The following XKR6 variants were observed in gnomAD, a reference collection of about 807,000 sequenced individuals.
XKR6 encodes XK-related protein 6.
A neutral mutation model predicts 56.7 loss-of-function variants in XKR6; 22 were observed. That is an observed-to-expected ratio of 0.39 (90% CI 0.28 to 0.55). XKR6 has a LOEUF of 0.55. XKR6 is among the 20% of genes least tolerant of loss of function. The pLI is 0.66. For missense variants in XKR6, 852 were observed against 889.0 expected (o/e 0.96, Z 0.53); for synonymous variants, 524 against 387.8 (o/e 1.35, Z -4.13).
chr8:11,077,735 G>A (rs1800311477), intron 1 of XKR6, among the ~76,000 whole-genome samples: 1 of 152,144 alleles, frequency 6.6e-6, no homozygotes, highest in Non-Finnish European at 1.5e-5. Context: ...GTCCCATCCT[G>A]TCTTCCCAGC....
At chr8:10,977,558 A>C (rs1802602897) in intron 1 of XKR6, among the ~76,000 whole-genome samples, 1 of 150,626 alleles carries the variant, frequency 6.6e-6, no homozygotes, top group Admixed American at 6.7e-5. Flanking sequence ...CCAGCCCATT[A>C]GCATGAGCCA....
chr8:10,942,175 C>T (rs552362467), intron 1 of XKR6, among the ~76,000 whole-genome samples: 1 of 152,308 alleles, frequency 6.6e-6, no homozygotes, highest in African/African-American at 2.4e-5. Context: ...ACATACCACA[C>T]ACAGTTGCAT....
chr8:11,026,375 GGCCTACTACACACTTAGATGGTCTA>G (rs1798863325), intron 1 of XKR6, among the ~76,000 whole-genome samples: 1 of 132,794 alleles, frequency 7.5e-6, no homozygotes. Flanking sequence ...TAAATGGTCT[GGCCTACTACACACTTAGATGGTCTA>G]GCCTACTACA....
At chr8:11,188,548 T>C (rs1032679283) in intron 1 of XKR6, among the ~76,000 whole-genome samples, 3 of 152,216 alleles carry the variant, frequency 2.0e-5, no homozygotes, top group African/African-American at 7.2e-5. Flanking sequence ...ACTTGATTGC[T>C]TAAACTTTGA....
chr8:10,980,329 G>A (rs1236231176), intron 1 of XKR6, among the ~76,000 whole-genome samples: 1 of 152,158 alleles, frequency 6.6e-6, no homozygotes, highest in East Asian at 1.9e-4. Flanking sequence ...GACTGAGGAG[G>A]GCTCTGAATA....
At chr8:11,083,567 TG>T (rs1217956009) in intron 1 of XKR6, among the ~76,000 whole-genome samples, 14 of 152,220 alleles carry the variant, frequency 9.2e-5, no homozygotes. Context: ...TCACCAGTGC[TG>T]GGCTGGGTTT....
At chr8:11,182,097 C>T (rs1803017838) in intron 1 of XKR6, among the ~76,000 whole-genome samples, 1 of 152,156 alleles carries the variant, frequency 6.6e-6, no homozygotes, top group African/African-American at 2.4e-5. Flanking sequence ...ATCTTTCTAA[C>T]CAAAATAAAC....
intron 1 of XKR6, among the ~76,000 whole-genome samples, chr8:11,059,526 G>GT (rs1220614002): frequency 6.6e-6 from 1 of 152,088 alleles, no homozygotes; most frequent in Non-Finnish European, 1.5e-5. Flanking sequence ...CCGCTCCAGT[G>GT]TTTGTTTACA....
At chr8:10,985,840 A>G (rs529819962) in intron 1 of XKR6, among the ~76,000 whole-genome samples, 7 of 152,294 alleles carry the variant, frequency 4.6e-5, no homozygotes, top group African/African-American at 1.7e-4. Context: ...TCCCGAGCTC[A>G]AGCGATCCAC....
At chr8:11,170,586 T>C (rs1343982192) in intron 1 of XKR6, among the ~76,000 whole-genome samples, 1 of 152,204 alleles carries the variant, frequency 6.6e-6, no homozygotes, top group Non-Finnish European at 1.5e-5. Flanking sequence ...AGGGTTTCTT[T>C]TTTGTAGGAT....
chr8:10,980,306 C>T (rs1390299544), intron 1 of XKR6, among the ~76,000 whole-genome samples: 3 of 152,020 alleles, frequency 2.0e-5, no homozygotes, highest in African/African-American at 7.2e-5. Context: ...GTAAGAAAAG[C>T]CCCCTGTGTT....
At chr8:10,913,286 C>T (rs11776011) in intron 2 of XKR6, among the ~76,000 whole-genome samples, 47,790 of 151,588 alleles carry the variant, frequency 0.32, 8,275 homozygotes, top group African/African-American at 0.43. Context: ...GCCTTTTTCG[C>T]CTCTGTACCC....
intron 1 of XKR6, among the ~76,000 whole-genome samples, chr8:10,995,977 T>G (rs966288040): frequency 4.3e-4 from 65 of 152,286 alleles, no homozygotes; most frequent in African/African-American, 1.5e-3. Flanking sequence ...GGGCCTCCAT[T>G]TCCTTGTTTA....
At chr8:11,019,071 T>G (rs1586438022) in intron 1 of XKR6, among the ~76,000 whole-genome samples, 1 of 152,298 alleles carries the variant, frequency 6.6e-6, no homozygotes, top group East Asian at 1.9e-4. Flanking sequence ...GGTGGCACTT[T>G]TGGAGTCCTG....
In XKR6 at chr8:10,960,252, C is replaced by T. The variant is rs148417203; in HGVS notation, c.765-35422G>A. Reference sequence around the variant, plus strand: ...TGGGTACAGGTATAGCAGGTAGGTGCAGGTATAGCAGGTGGGTGCAGGTAT... The same window carrying T: ...TGGGTACAGGTATAGCAGGTAGGTGTAGGTATAGCAGGTGGGTGCAGGTAT... On this transcript the variant is annotated intron_variant, in intron 1 of 2. Coordinates refer to ENST00000416569, the MANE Select transcript of XKR6 (RefSeq NM_173683.4). Among the ~76,000 whole-genome samples, 16 of 151,352 alleles carry T rather than the reference C, an allele frequency of 1.1e-4. No homozygotes were observed. The East Asian group carries it at 2.3e-3, about 22-fold the overall frequency.
rs1024911239 is a variant in XKR6 at position 11,196,911 on chromosome 8, G to A, written c.764+3665C>T. ...CCTACATAGAGGAGCAGACAGGAGG[G>A]CAGGGGAGTGATTAAAAAAATAATA... On this transcript the variant is annotated intron_variant, in intron 1 of 2. Transcript: ENST00000416569. Among the ~76,000 whole-genome samples, 3 of 152,296 alleles carry A rather than the reference G, an allele frequency of 2.0e-5. No individual in the cohort carries two copies. The East Asian group carries it at 5.8e-4, about 29-fold the overall frequency.
chr8:10,944,813 A>T (rs1252959057), intron 1 of XKR6, among the ~76,000 whole-genome samples: 1 of 152,188 alleles, frequency 6.6e-6, no homozygotes, highest in Non-Finnish European at 1.5e-5. Flanking sequence ...CTGAGAGCAC[A>T]TGAAATCAGA....
intron 1 of XKR6, among the ~76,000 whole-genome samples, chr8:11,094,799 A>AC (rs1472348224): frequency 6.6e-6 from 1 of 152,258 alleles, no homozygotes; most frequent in East Asian, 1.9e-4. Context: ...CAAGTTACTT[A>AC]CCCAAAGCCC....
chr8:10,939,327 C>T (rs1801318774), intron 1 of XKR6, among the ~76,000 whole-genome samples: 1 of 152,212 alleles, frequency 6.6e-6, no homozygotes, highest in African/African-American at 2.4e-5. Context: ...CTCTTTGGGC[C>T]TGGCCCCAAG....
Sources: gnomAD v4.1 joint callset for allele counts (sites outside exome capture counted in the v4.1 genomes callset) on GRCh38, gnomAD v4.1.1 for gene constraint, MANE v1.5 for transcripts, NCBI Gene and HGNC (gene_info 2026-07-23, HGNC 2026-07-21) for gene names.